EMP2: variants seen among roughly 807,000 people sequenced by gnomAD.
EMP2 encodes the protein epithelial membrane protein 2.
In EMP2, 19 loss-of-function variants were observed where a neutral mutation model predicts 13.7. The ratio of observed to expected loss-of-function variants is 1.38; its 90% CI spans 0.97 to 2.03. EMP2 has a LOEUF of 2.03. Among genes scored for constraint, EMP2 ranks in the 30% most tolerant of loss-of-function variants. The probability of loss-of-function intolerance (pLI) is 0.00; values close to 1 mark genes in which losing one functional copy is unlikely to be tolerated. For missense variants in EMP2, 253 were observed against 220.7 expected (o/e 1.15, Z -0.93); for synonymous variants, 97 against 84.7 (o/e 1.15, Z -0.80).
chr16:10,537,265 T>C (rs936338273), intron 4 of EMP2, among the ~76,000 whole-genome samples: 12 of 152,320 alleles, frequency 7.9e-5, no homozygotes, highest in African/African-American at 2.9e-4. Flanking sequence ...CTTGCTAAAA[T>C]TCCTAAGTAG....
chr16:10,565,487 G>C (rs1369387509), intron 1 of EMP2, among the ~76,000 whole-genome samples: 2 of 152,194 alleles, frequency 1.3e-5, no homozygotes, highest in Admixed American at 1.3e-4. Context: ...CTCCAAGCCT[G>C]CTGGCCCGCC....
chr16:10,553,291 C>T (rs1449766530), intron 1 of EMP2, among the ~76,000 whole-genome samples: 1 of 152,226 alleles, frequency 6.6e-6, no homozygotes, highest in Non-Finnish European at 1.5e-5. Flanking sequence ...TGCCTCCTTC[C>T]AGAGATATTG....
chr16:10,576,122 C>G (rs937776535), intron 1 of EMP2, among the ~76,000 whole-genome samples: 5 of 151,912 alleles, frequency 3.3e-5, no homozygotes, highest in Admixed American at 3.3e-4. Flanking sequence ...TGTTTCAACC[C>G]AAGCAGAAGT....
chr16:10,541,088 A>G (rs1425132967), intron 3 of EMP2, among the ~76,000 whole-genome samples: 1 of 145,050 alleles, frequency 6.9e-6, no homozygotes, highest in Non-Finnish European at 1.5e-5. Context: ...ACCCTGATTC[A>G]AACGGAAAAA....
At position 10,533,037 on chromosome 16, in the gene EMP2, G is replaced by A. The variant is rs766050249; in HGVS notation, c.372C>T (p.His124=). ...SIYTDRREDI[H]DKNAKFYPVT... ...CGGGATAGAATTTCGCGTTTTTGTC[G>A]TGAATGTCTTCACGCCTGTCTGTAT... The change falls in exon 5 of 5, where the codon CAC becomes CAT. Residue 124 remains histidine (H), a synonymous_variant. Transcript: ENST00000359543. 2.3e-5 allele frequency: 37 copies of A among 1,610,710 alleles called. No homozygotes were observed. Among genetic ancestry groups the A allele is most frequent in the Non-Finnish European group, 3.1e-5 (37 of 1,178,522 alleles).
intron 1 of EMP2, among the ~76,000 whole-genome samples, chr16:10,579,707 T>TGCACAC (rs1401502583): frequency 1.2e-4 from 5 of 42,870 alleles, no homozygotes; most frequent in Non-Finnish European, 1.9e-4. Context: ...AAGATCAAGG[T>TGCACAC]GCACACACAC....
intron 1 of EMP2, among the ~76,000 whole-genome samples, chr16:10,557,415 G>A (rs1459552529): frequency 6.6e-6 from 1 of 151,718 alleles, no homozygotes; most frequent in Non-Finnish European, 1.5e-5. Context: ...AGGCTGCATA[G>A]GGTTGGCTGC....
At chr16:10,543,729 G>A in intron 2 of EMP2, 69 bp from the exon 3 acceptor site, 2 of 1,468,146 alleles carry the variant, frequency 1.4e-6, no homozygotes, top group Non-Finnish European at 1.9e-6. Context: ...TGCTAATTAG[G>A]CACGAGGCAT....
intron 4 of EMP2, among the ~76,000 whole-genome samples, chr16:10,534,773 A>T (rs2050634551): frequency 6.6e-6 from 1 of 152,224 alleles, no homozygotes; most frequent in Admixed American, 6.5e-5. Flanking sequence ...CTCAAAAAAT[A>T]AAAAAAGAAA....
At chr16:10,539,307 C>T (rs536843425) in intron 3 of EMP2, among the ~76,000 whole-genome samples, 2 of 152,176 alleles carry the variant, frequency 1.3e-5, no homozygotes, top group Admixed American at 6.5e-5. Flanking sequence ...CTGGAGTGAA[C>T]ATAATTGGTA....
At chr16:10,572,730 C>G (rs2050956781) in intron 1 of EMP2, among the ~76,000 whole-genome samples, 1 of 152,210 alleles carries the variant, frequency 6.6e-6, no homozygotes, top group Admixed American at 6.5e-5. Context: ...TGTCTGTACA[C>G]AGCCCACCTG....
chr16:10,551,821 AACC>A (rs2050790650), intron 1 of EMP2, among the ~76,000 whole-genome samples: 1 of 152,024 alleles, frequency 6.6e-6, no homozygotes, highest in Admixed American at 6.6e-5. Context: ...TCTCCTCTCC[AACC>A]ATGCTCATTC....
At chr16:10,562,708 T>C (rs1290528312) in intron 1 of EMP2, among the ~76,000 whole-genome samples, 3 of 152,232 alleles carry the variant, frequency 2.0e-5, no homozygotes, top group Non-Finnish European at 4.4e-5. Flanking sequence ...ACAGTGGAGA[T>C]ACTGCTGTAT....
chr16:10,560,730 G>C (rs946838578), intron 1 of EMP2, among the ~76,000 whole-genome samples: 1 of 152,184 alleles, frequency 6.6e-6, no homozygotes. Flanking sequence ...TGGAAGAAGC[G>C]ACACCTGAGC....
At chr16:10,578,337 G>C (rs2050998829) in intron 1 of EMP2, among the ~76,000 whole-genome samples, 1 of 152,182 alleles carries the variant, frequency 6.6e-6, no homozygotes. Flanking sequence ...TATTATGTGA[G>C]AGGCAGAGAA....
At chr16:10,539,569 G>A (rs765520020) in intron 3 of EMP2, among the ~76,000 whole-genome samples, 13 of 152,166 alleles carry the variant, frequency 8.5e-5, no homozygotes, top group Non-Finnish European at 1.5e-4. Flanking sequence ...TGTGTGGAAG[G>A]GGGCCCGAGG....
chr16:10,571,956 G>A (rs1325432148), intron 1 of EMP2, among the ~76,000 whole-genome samples: 3 of 152,182 alleles, frequency 2.0e-5, no homozygotes, highest in African/African-American at 7.2e-5. Flanking sequence ...GGGCTTTAGG[G>A]CTCATGACCA....
At chr16:10,566,775 G>A (rs1016733530) in intron 1 of EMP2, among the ~76,000 whole-genome samples, 3 of 152,152 alleles carry the variant, frequency 2.0e-5, no homozygotes, top group Non-Finnish European at 2.9e-5. Context: ...TGAGTACACA[G>A]AGCATGCGAG....
At chr16:10,564,894 T>C (rs759015752) in intron 1 of EMP2, among the ~76,000 whole-genome samples, 2 of 152,204 alleles carry the variant, frequency 1.3e-5, no homozygotes, top group African/African-American at 2.4e-5. Flanking sequence ...TTTAAACTTA[T>C]ATTTTTATAA....
Sources: gnomAD v4.1 joint callset for allele counts (sites outside exome capture counted in the v4.1 genomes callset) on GRCh38, gnomAD v4.1.1 for gene constraint, MANE v1.5 for transcripts, NCBI Gene and HGNC (gene_info 2026-07-23, HGNC 2026-07-21) for gene names.